The following PIDD1 variants were observed in gnomAD, a reference collection of about 807,000 sequenced individuals.
The protein encoded by PIDD1 is p53-induced death domain-containing protein 1.
A neutral mutation model predicts 80.0 loss-of-function variants in PIDD1; 72 were observed. The observed-to-expected ratio is 0.90, with a 90% CI of 0.74 to 1.09. The LOEUF (loss-of-function observed/expected upper bound fraction) is 1.09. Ranked by LOEUF, PIDD1 falls within the 50% of genes least tolerant of loss-of-function variation. The probability of loss-of-function intolerance (pLI) is 0.00; values close to 1 mark genes in which losing one functional copy is unlikely to be tolerated. For synonymous variants in PIDD1, 655 were observed against 543.5 expected (o/e 1.21, Z -2.85); for missense variants, 1,329 against 1,228.3 (o/e 1.08, Z -1.23).
chr11:807,063 G>A (rs1405476042), upstream of PIDD1, among the ~76,000 whole-genome samples: 7 of 152,136 alleles, frequency 4.6e-5, no homozygotes, highest in Non-Finnish European at 1.0e-4. Flanking sequence ...GTGGTGGCAG[G>A]CGCCTGTAAT....
chr11:803,609 G>A, intron 2 of PIDD1, 22 bp from the exon 3 acceptor site: 4 of 1,588,270 alleles, frequency 2.5e-6, no homozygotes, highest in Non-Finnish European at 3.4e-6. Context: ...GGAGGCGGAT[G>A]TGGCCCTCAG....
In PIDD1 at chr11:800,618, GC is replaced by G. The variant is rs1237418894; in HGVS notation, c.1965del (p.Glu655AspfsTer44). Reference sequence around the variant, plus strand: ...TCGAACATCTCCACCGTGTCAGAGGGCTCGGGGCCCCGGTACCGCTCCAGCA... The same window carrying G: ...TCGAACATCTCCACCGTGTCAGAGGGTCGGGGCCCCGGTACCGCTCCAGCA... ...RRLLERYRGP[E>X]PSDTVEMFEG... On this transcript the variant is annotated frameshift_variant, in exon 12 of 16. Transcript: ENST00000347755. LOFTEE classifies it high-confidence loss of function. The G allele has an allele frequency of 6.2e-7, 1 of 1,602,400 alleles. No homozygotes were observed. Among genetic ancestry groups the G allele is most frequent in the African/African-American group, 1.3e-5 (1 of 74,876 alleles).
chr11:802,198 C>T lies in PIDD1; in HGVS notation c.1173G>A (p.Gln391=), dbSNP rs372742755. The change falls in exon 6 of 16, where the codon CAG becomes CAA. Residue 391 remains glutamine (Q), a synonymous_variant. Transcript: ENST00000347755. ...LELQPHGVAF[Q]QDVGLWLLFT... ...CCCCGCCACGCCCTGTCCATGCCTG[C>T]TGGAAGGCCACCCCATGGGGCTGCA... The T allele has an allele frequency of 3.1e-4, 491 of 1,603,074 alleles. 1 individual carries two copies. Among genetic ancestry groups the T allele is most frequent in the Non-Finnish European group, 3.9e-4 (456 of 1,175,574 alleles).
At chr11:806,579 G>A (rs1005386626), upstream of PIDD1, among the ~76,000 whole-genome samples, 2 of 150,714 alleles carry the variant, frequency 1.3e-5, no homozygotes, top group East Asian at 2.0e-4. Context: ...GGCCTGGAGG[G>A]ATCTTTTTTT....
rs1456790158 is a variant in PIDD1 at position 803,597 on chromosome 11, G to A, written c.296-10C>T. 1.3e-6 allele frequency: 2 copies of A among 1,598,700 alleles called. No individual in the cohort carries two copies. The highest frequency in any genetic ancestry group is 2.2e-5 in the South Asian group (2 of 89,750). On this transcript the variant is annotated splice_polypyrimidine_tract_variant and intron_variant, in intron 2 of 15. Transcript: ENST00000347755. Reference sequence around the variant, plus strand: ...TCCCGGCGTTGCCCTCCTGGGAAGGGGGGAGGCGGATGTGGCCCTCAGAGC... The same window carrying A: ...TCCCGGCGTTGCCCTCCTGGGAAGGAGGGAGGCGGATGTGGCCCTCAGAGC...
Position 799,951 on chromosome 11 carries a change from C to T in PIDD1, c.2338G>A (p.Gly780Arg). The T allele has an allele frequency of 6.2e-7, 1 of 1,612,846 alleles. No homozygotes were observed. The highest frequency in any genetic ancestry group is 8.5e-7 in the Non-Finnish European group (1 of 1,179,952). The change falls in exon 15 of 16, where the codon GGA (glycine) becomes AGA (arginine). Residue 780 changes from glycine (G) to arginine (R), a missense_variant. Coordinates refer to ENST00000347755, the MANE Select transcript of PIDD1 (RefSeq NM_145886.4). ...AGLSLAPLNL[G>R]DAETGFLTQS... is the part of the protein sequence containing the mutation. ...GTCAGAAAGCCGGTCTCGGCATCTC[C>T]CAGATTCAAGGGTGCCAAGGAGAGG...
Position 804,302 on chromosome 11 carries a change from C to A in PIDD1, c.87G>T (p.Ala29=). The A allele has an allele frequency of 3.1e-6, 5 of 1,612,740 alleles. No homozygotes were observed. The highest frequency in any genetic ancestry group is 3.4e-6 in the Non-Finnish European group (4 of 1,179,874). The change falls in exon 2 of 16, where the codon GCG becomes GCT. Residue 29 remains alanine, a synonymous_variant. Transcript: ENST00000347755. ...GCCGGTTGCCGCCCAGGAAAGGCAGCGCCCTGGACCCTGCGTCCGAATCCT... is the reference window on the plus strand; with the variant it reads ...GCCGGTTGCCGCCCAGGAAAGGCAGAGCCCTGGACCCTGCGTCCGAATCCT... ...ASEDSDAGSR[A]LPFLGGNRLS...
chr11:803,989 G>T, intron 2 of PIDD1, 105 bp downstream of exon 2: 1 of 1,302,182 alleles, frequency 7.7e-7, no homozygotes, highest in Admixed American at 2.6e-5. Flanking sequence ...GCCGGGAGGG[G>T]CGGCCTGGAG....
Position 802,252 on chromosome 11 carries a change from A to G in PIDD1, c.1119T>C (p.His373=). ...CCAGCACATGGCTGAGCAGGGCGTC[A>G]TGAGGACCCAGGGGGACGAGGCCTG... is the stretch of plus-strand genomic sequence containing the variant. ...PEPGLVPLGP[H]DALLSHVLEL... The change falls in exon 6 of 16, where the codon CAT becomes CAC. Residue 373 remains histidine (H), a synonymous_variant. Transcript: ENST00000347755. The G allele has an allele frequency of 6.2e-7, 1 of 1,611,908 alleles. No homozygotes were observed. Among genetic ancestry groups the G allele is most frequent in the Non-Finnish European group, 8.5e-7 (1 of 1,179,534 alleles).
rs1865556674 is a variant in PIDD1, at chr11:803,569, G to A, written c.314C>T (p.Thr105Ile). 1.2e-6 allele frequency: 2 copies of A among 1,609,140 alleles called. No homozygotes were observed. The highest frequency in any genetic ancestry group is 1.3e-5 in the African/African-American group (1 of 74,846). ...GGCACCCCGGAGACAGGCACCCAGT[G>A]TGTCCCGGCGTTGCCCTCCTGGGAA... ...LVLKGGQRRD[T>I]LGACLRGALT... The change falls in exon 3 of 16, where the codon ACA becomes ATA. Residue 105 changes from threonine (T) to isoleucine (I), a missense_variant. Physicochemically the swap from Thr to Ile is moderately conservative, Grantham distance 89. Transcript: ENST00000347755.
chr11:802,454 C>G, intron 5 of PIDD1, 58 bp from the exon 6 acceptor site: 2 of 1,599,630 alleles, frequency 1.3e-6, no homozygotes, highest in Non-Finnish European at 1.7e-6. Context: ...GTGTTGGAGC[C>G]TGGACCCAGG....
Position 799,354 on chromosome 11 carries a change from G to A in PIDD1, c.2686C>T (p.Leu896=). ...GGCTGTGGAGCCGAGGAGCCAGGCA[G>A]AGCGGGGTCCTTGGGGGCCAAGCCC... ...RMGLAPKDPA[L]PGSSAPQPPE... Residue 896 remains leucine, a synonymous_variant, in exon 16 of 16, where the codon CTG becomes TTG. Coordinates refer to ENST00000347755, the MANE Select transcript of PIDD1 (RefSeq NM_145886.4). The A allele has an allele frequency of 6.2e-7, 1 of 1,610,906 alleles. No individual in the cohort carries two copies. Among genetic ancestry groups the A allele is most frequent in the Non-Finnish European group, 8.5e-7 (1 of 1,179,656 alleles).
At position 799,219 on chromosome 11, in the gene PIDD1, C is replaced by G. The variant is rs914207381; in HGVS notation, c.*88G>C. 6.6e-5 allele frequency: 87 copies of G among 1,308,656 alleles called. No individual in the cohort carries two copies. In the African/African-American group the frequency reaches 1.2e-3, roughly 18 times the overall value. 81.1% of individuals were successfully genotyped at this position (1,308,656 alleles called of 1,614,324 possible). A position where few individuals can be genotyped will look rare whatever the true frequency, so the allele number is the denominator to read the frequency against. On this transcript the variant is annotated 3_prime_UTR_variant, in exon 16 of 16. Transcript: ENST00000347755. ...AGTGCAGTTTTGTTGCTCACAGGGA[C>G]CCGTCCCCACACACTGGAGAGACTT...
chr11:801,579 CA>C lies in PIDD1; in HGVS notation c.1347del (p.Val450TrpfsTer65), dbSNP rs1315605910. ...HCQVPHFSWF[L>X]VVSRPVSNAC... ...GCATTGGACACAGGGCGGGAAACCA[CA>C]AGGAACCAGGAGAAGTGGGGCACCT... is the stretch of plus-strand genomic sequence containing the variant. On this transcript the variant is annotated frameshift_variant, in exon 8 of 16. Coordinates refer to ENST00000347755, the MANE Select transcript of PIDD1 (RefSeq NM_145886.4). LOFTEE classifies it high-confidence loss of function. The C allele has an allele frequency of 6.4e-7, 1 of 1,568,802 alleles. No individual in the cohort carries two copies. Among genetic ancestry groups the C allele is most frequent in the African/African-American group, 1.4e-5 (1 of 73,986 alleles).
chr11:800,391 A>G lies in PIDD1; in HGVS notation c.2102T>C (p.Val701Ala). ...AGTGGTGGTCACGTATACCTCCTTCACATTCTTCAGGTGCGAGTAGAAGAC... is the reference window on the plus strand; with the variant it reads ...AGTGGTGGTCACGTATACCTCCTTCGCATTCTTCAGGTGCGAGTAGAAGAC... ...CFVFYSHLKN[V>A]KEVYVTTTLD... Residue 701 changes from valine (V) to alanine (A), a missense_variant, in exon 13 of 16, where the codon GTG (valine) becomes GCG (alanine). Val to Ala is a moderately conservative substitution (Grantham distance 64). Coordinates refer to ENST00000347755, the MANE Select transcript of PIDD1 (RefSeq NM_145886.4). 6.2e-7 allele frequency: 1 copy of G among 1,612,782 alleles called. No homozygotes were observed. Among genetic ancestry groups the G allele is most frequent in the Non-Finnish European group, 8.5e-7 (1 of 1,179,958 alleles).
Position 805,170 on chromosome 11 carries a change from G to C in PIDD1, c.-76+9C>G. On this transcript the variant is annotated intron_variant, in intron 1 of 15. Transcript: ENST00000347755. Reference sequence around the variant, plus strand: ...GCCGCCCCCTCCGCCCGCCCAGGCCGGCGCGTACCTGCGCTGCAGGCGGCG... The same window carrying C: ...GCCGCCCCCTCCGCCCGCCCAGGCCCGCGCGTACCTGCGCTGCAGGCGGCG... 6.1e-6 allele frequency: 6 copies of C among 979,948 alleles called. No homozygotes were observed. The highest frequency in any genetic ancestry group is 1.8e-5 in the African/African-American group (1 of 57,132). The allele number at this position is 979,948 out of a possible 1,614,324, so 60.7% of individuals were successfully genotyped here.
chr11:804,251 GC>G lies in PIDD1; in HGVS notation c.137del (p.Gly46AlafsTer24). ...CACACAGGTGCAGCAGCTGCTGGCA[GC>G]CCCCGGGGTACAGGTCCAAGCTCAG... ...NRLSLDLYPGGCQQLLHLCVQ... is the reference protein window; with the variant it reads ...NRLSLDLYPGXCQQLLHLCVQ... On this transcript the variant is annotated frameshift_variant, in exon 2 of 16. Coordinates refer to ENST00000347755, the MANE Select transcript of PIDD1 (RefSeq NM_145886.4). LOFTEE classifies it high-confidence loss of function. 1 of 1,612,994 alleles carries G rather than the reference GC, an allele frequency of 6.2e-7. No homozygotes were observed. The highest frequency in any genetic ancestry group is 8.5e-7 in the Non-Finnish European group (1 of 1,179,964).
At chr11:808,783 T>G (rs1865910295), upstream of PIDD1, among the ~76,000 whole-genome samples, 1 of 152,206 alleles carries the variant, frequency 6.6e-6, no homozygotes, top group Non-Finnish European at 1.5e-5. Flanking sequence ...AAAAAAACCT[T>G]TCTGTACCCA....
upstream of PIDD1, among the ~76,000 whole-genome samples, chr11:809,157 C>G (rs931650060): frequency 6.6e-6 from 1 of 152,204 alleles, no homozygotes; most frequent in African/African-American, 2.4e-5. Context: ...TCCCAGGACC[C>G]GAGAATGTAG....
Sources: allele counts gnomAD v4.1 joint callset (sites outside exome capture counted in the v4.1 genomes callset), GRCh38; gene constraint gnomAD v4.1.1; transcripts MANE v1.5; gene names NCBI Gene and HGNC (gene_info 2026-07-23, HGNC 2026-07-21).